CPVL: variants seen among roughly 807,000 people sequenced by gnomAD.
The protein encoded by CPVL is carboxypeptidase vitellogenic like.
CPVL carries 51 observed loss-of-function variants against 63.7 expected under a neutral mutation model. That is an observed-to-expected ratio of 0.80 (90% CI 0.64 to 1.01). The LOEUF is 1.01. Ranked by LOEUF, CPVL falls within the 50% of genes least tolerant of loss-of-function variation. The probability of loss-of-function intolerance (pLI) is 0.00; values close to 1 mark genes in which losing one functional copy is unlikely to be tolerated. For synonymous variants in CPVL, 195 were observed against 206.0 expected (o/e 0.95, Z 0.46); for missense variants, 530 against 573.1 (o/e 0.92, Z 0.77).
At chr7:29,076,058 C>A (rs565676920) in intron 7 of CPVL, among the ~76,000 whole-genome samples, 30 of 136,536 alleles carry the variant, frequency 2.2e-4, no homozygotes, top group African/African-American at 7.2e-4. Flanking sequence ...CAAAAGACAA[C>A]CAGGTAATAA....
At chr7:29,120,860 C>A in intron 2 of CPVL, 33 bp downstream of exon 2, 1 of 1,555,756 alleles carries the variant, frequency 6.4e-7, no homozygotes, top group South Asian at 1.2e-5. Context: ...GAACTCATGC[C>A]AGTGGTTTTC....
chr7:29,139,534 G>T (rs775743435), intron 1 of CPVL, among the ~76,000 whole-genome samples: 1 of 151,926 alleles, frequency 6.6e-6, no homozygotes, highest in Non-Finnish European at 1.5e-5. Context: ...CTATTCTTGG[G>T]GGGGCAGGGG....
intron 10 of CPVL, among the ~76,000 whole-genome samples, chr7:29,065,207 CTG>C (rs1778891806): frequency 6.6e-6 from 1 of 152,088 alleles, no homozygotes; most frequent in South Asian, 2.1e-4. Context: ...TTTTTACTAA[CTG>C]TGAATATATT....
chr7:29,082,090 T>C (rs990906989), intron 7 of CPVL, among the ~76,000 whole-genome samples: 12 of 152,128 alleles, frequency 7.9e-5, no homozygotes, highest in African/African-American at 2.9e-4. Flanking sequence ...TTCCTAAGAG[T>C]GTGAGAAAAT....
Position 29,068,967 on chromosome 7 carries a change from G to A in CPVL, c.864+2806C>T, listed in dbSNP as rs956715316. The stretch of plus-strand genomic sequence containing the variant: ...CAAAGTGCTGGGATTACAGGCGTGA[G>A]CCACTGCGCCCGGCCGAGGTGTCTT... On this transcript the variant is annotated intron_variant, in intron 9 of 12. Coordinates refer to ENST00000265394, the MANE Select transcript of CPVL (RefSeq NM_031311.5). 2.0e-5 allele frequency among the ~76,000 whole-genome samples: 3 copies of A among 151,666 alleles called. No individual in the cohort carries two copies. The East Asian group carries it at 6.0e-4, about 30-fold the overall frequency.
chr7:29,076,011 C>T (rs1043723552), intron 7 of CPVL, among the ~76,000 whole-genome samples: 4 of 56,930 alleles, frequency 7.0e-5, no homozygotes, highest in Admixed American at 5.4e-4. Flanking sequence ...TCATTTATTT[C>T]TCAATTTAAT....
upstream of CPVL, among the ~76,000 whole-genome samples, chr7:29,151,336 CT>C (rs534132304): frequency 1.3e-5 from 2 of 152,290 alleles, no homozygotes; most frequent in East Asian, 3.9e-4. Flanking sequence ...GCCTATACTC[CT>C]TTGACGATCC....
chr7:29,156,110 TCAGA>T (rs1794332729), intron 5 of CPVL, among the ~76,000 whole-genome samples: 1 of 152,224 alleles, frequency 6.6e-6, no homozygotes, highest in South Asian at 2.1e-4. Context: ...AGGTGAGCCC[TCAGA>T]CAGAGAAAAC....
chr7:29,066,245 C>T (rs765384991), intron 9 of CPVL, 124 bp from the exon 10 acceptor site: 1 of 614,168 alleles, frequency 1.6e-6, no homozygotes, highest in East Asian at 2.8e-5. Context: ...TCATCCAGCG[C>T]CCACTTATTG....
chr7:29,119,818 A>G (rs922943719), intron 2 of CPVL, among the ~76,000 whole-genome samples: 1 of 152,202 alleles, frequency 6.6e-6, no homozygotes, highest in Non-Finnish European at 1.5e-5. Context: ...TGAAGCCTAC[A>G]CACCAGCTGA....
intron 1 of CPVL, 139 bp from the exon 2 acceptor site, chr7:29,121,210 A>T: frequency 1.4e-6 from 1 of 689,726 alleles, no homozygotes; most frequent in Non-Finnish European, 2.3e-6. Flanking sequence ...GGATAGCACC[A>T]TAAATAAGCA....
chr7:29,186,230 T>C (rs149626582), intron 2 of CPVL, among the ~76,000 whole-genome samples: 1 of 151,564 alleles, frequency 6.6e-6, no homozygotes, highest in African/African-American at 2.4e-5. Context: ...GAGCCTGGCC[T>C]GCCCCAAAGT....
chr7:29,040,540 G>C (rs1021591796), intron 11 of CPVL, among the ~76,000 whole-genome samples: 4 of 152,132 alleles, frequency 2.6e-5, no homozygotes, highest in African/African-American at 9.7e-5. Context: ...AGGCCTGCTT[G>C]AAGAAGACTG....
At chr7:29,146,344 C>T (rs1050508138) in intron 1 of CPVL, 85 bp downstream of exon 1, 7 of 516,874 alleles carry the variant, frequency 1.4e-5, no homozygotes, top group Non-Finnish European at 2.0e-5. Context: ...AGACTACCTG[C>T]CCCGCGCTCC....
chr7:29,023,674 C>T (rs548852799), intron 12 of CPVL, among the ~76,000 whole-genome samples: 1 of 152,308 alleles, frequency 6.6e-6, no homozygotes, highest in South Asian at 2.1e-4. Flanking sequence ...CAAAACCTCA[C>T]TACAGTGTCT....
Position 29,017,411 on chromosome 7 carries a change from A to G in CPVL, c.1320+13166T>C, listed in dbSNP as rs1217185469. Among the ~76,000 whole-genome samples, 11 of 152,328 alleles carry G rather than the reference A, an allele frequency of 7.2e-5. No individual in the cohort carries two copies. In the East Asian group the frequency reaches 1.7e-3, roughly 24 times the overall value. ...CACTTTGGGAGGCCGAGGCAGGCGG[A>G]TCACTTGAGGTCAGGAGTTTGAGAC... On this transcript the variant is annotated intron_variant, in intron 12 of 12. Coordinates refer to ENST00000265394, the MANE Select transcript of CPVL (RefSeq NM_031311.5).
At chr7:29,101,850 C>T (rs976530567) in intron 3 of CPVL, among the ~76,000 whole-genome samples, 5 of 152,078 alleles carry the variant, frequency 3.3e-5, no homozygotes, top group Non-Finnish European at 5.9e-5. Flanking sequence ...TACATACACA[C>T]GTTTTTTTTC....
At chr7:29,183,952 T>C (rs1333603112) in intron 4 of CPVL, among the ~76,000 whole-genome samples, 1 of 152,090 alleles carries the variant, frequency 6.6e-6, no homozygotes, top group East Asian at 1.9e-4. Context: ...TACATAGCAT[T>C]TACATAGTAT....
chr7:29,066,162 CAT>C (rs1562750601), intron 9 of CPVL, 41 bp from the exon 10 acceptor site: 1 of 974,608 alleles, frequency 1.0e-6, no homozygotes, highest in East Asian at 2.4e-5. Flanking sequence ...AGAAAGAAAA[CAT>C]CAGTGTGGAT....
Sources: gnomAD v4.1 joint callset for allele counts (sites outside exome capture counted in the v4.1 genomes callset) on GRCh38, gnomAD v4.1.1 for gene constraint, MANE v1.5 for transcripts, NCBI Gene and HGNC (gene_info 2026-07-23, HGNC 2026-07-21) for gene names.